Variants in DOCK1 observed in about 807,000 individuals in gnomAD.
DOCK1 encodes dedicator of cytokinesis protein 1.
Under a neutral mutation model 262.7 loss-of-function variants are expected in DOCK1, and 138 were observed. The observed-to-expected ratio is 0.53, with a 90% CI of 0.46 to 0.61. The LOEUF (loss-of-function observed/expected upper bound fraction) is 0.61. Among genes scored for constraint, DOCK1 ranks in the 20% least tolerant of loss-of-function variants. DOCK1 has a pLI of 0.00. For synonymous variants in DOCK1, 866 were observed against 867.4 expected (o/e 1.00, Z 0.03); for missense variants, 1,908 against 2,370.7 (o/e 0.80, Z 4.05).
chr10:126,934,747 G>GTTTTT lies in DOCK1; in HGVS notation c.46+29204_46+29208dup, dbSNP rs1166445414. ...GTCACAGCCTATTTGGAATTTACGA[G>GTTTTT]TTTTTTTTTTTTTTTTTTTTTTTTG... On this transcript the variant is annotated intron_variant, in intron 1 of 51. Transcript: ENST00000623213. 4.8e-4 allele frequency among the ~76,000 whole-genome samples: 52 copies of GTTTTT among 107,454 alleles called. 1 individual carries two copies. Among genetic ancestry groups the GTTTTT allele is most frequent in the African/African-American group, 1.3e-3 (31 of 24,684 alleles). 70.5% of individuals were successfully genotyped at this position (107,454 alleles called of 152,430 possible). A position where few individuals can be genotyped will look rare whatever the true frequency, so the allele number is the denominator to read the frequency against.
At chr10:127,319,472 G>T (rs2062425750) in intron 29 of DOCK1, among the ~76,000 whole-genome samples, 1 of 152,174 alleles carries the variant, frequency 6.6e-6, no homozygotes. Context: ...TGTGTTTATG[G>T]GTAATAAATC....
intron 27 of DOCK1, among the ~76,000 whole-genome samples, chr10:127,182,122 G>A (rs543721648): frequency 8.9e-4 from 136 of 152,180 alleles, no homozygotes; most frequent in African/African-American, 3.1e-3. Flanking sequence ...GGCACGCCCC[G>A]TTCCCTCGAT....
chr10:126,958,196 A>G (rs1341136046), intron 1 of DOCK1, among the ~76,000 whole-genome samples: 1 of 152,180 alleles, frequency 6.6e-6, no homozygotes, highest in Non-Finnish European at 1.5e-5. Flanking sequence ...TACCACTAAC[A>G]TACATGTGAG....
intron 27 of DOCK1, among the ~76,000 whole-genome samples, chr10:127,230,710 T>A (rs550952572): frequency 6.6e-6 from 1 of 152,278 alleles, no homozygotes; most frequent in Non-Finnish European, 1.5e-5. Flanking sequence ...GATGCCTCCA[T>A]CTTTGTTATT....
At chr10:127,099,773 G>A (rs2048126320) in intron 23 of DOCK1, among the ~76,000 whole-genome samples, 1 of 152,192 alleles carries the variant, frequency 6.6e-6, no homozygotes, top group Admixed American at 6.5e-5. Context: ...GTTTCAGCAT[G>A]AGAGATGGAG....
At chr10:127,092,075 T>C (rs1385948093) in intron 23 of DOCK1, among the ~76,000 whole-genome samples, 4 of 152,224 alleles carry the variant, frequency 2.6e-5, no homozygotes, top group Non-Finnish European at 5.9e-5. Flanking sequence ...CCTACCTGTA[T>C]TTCAAGTGCC....
chr10:127,443,135 C>T (rs2070298734), intron 49 of DOCK1, among the ~76,000 whole-genome samples: 1 of 152,188 alleles, frequency 6.6e-6, no homozygotes, highest in Non-Finnish European at 1.5e-5. Flanking sequence ...CTGATAGAAG[C>T]ATCACCCTGA....
chr10:127,319,457 C>T (rs10829749), intron 29 of DOCK1, among the ~76,000 whole-genome samples: 51,714 of 152,076 alleles, frequency 0.34, 9,331 homozygotes, highest in East Asian at 0.42. Context: ...AGAGCACTTC[C>T]CGCATGTGTT....
At chr10:127,279,121 C>T (rs957522501) in intron 29 of DOCK1, among the ~76,000 whole-genome samples, 3 of 152,314 alleles carry the variant, frequency 2.0e-5, no homozygotes, top group African/African-American at 4.8e-5. Flanking sequence ...AATCCACACA[C>T]GTGGCTTTTT....
intron 25 of DOCK1, among the ~76,000 whole-genome samples, chr10:127,114,764 T>C (rs944884834): frequency 4.0e-5 from 6 of 150,200 alleles, no homozygotes; most frequent in Non-Finnish European, 5.9e-5. Context: ...TCTTTCTTTT[T>C]TTTTTTTTTT....
chr10:127,214,271 C>G (rs1427430622), intron 27 of DOCK1, among the ~76,000 whole-genome samples: 1 of 152,178 alleles, frequency 6.6e-6, no homozygotes, highest in Admixed American at 6.5e-5. Flanking sequence ...GTAGCTCCCC[C>G]CGCCCAGCTG....
intron 16 of DOCK1, among the ~76,000 whole-genome samples, chr10:127,029,676 C>A (rs933675014): frequency 2.0e-5 from 3 of 152,182 alleles, no homozygotes; most frequent in African/African-American, 7.2e-5. Flanking sequence ...TATAAACCAT[C>A]CATCTCATGA....
chr10:127,203,084 G>A (rs768274728), intron 27 of DOCK1, among the ~76,000 whole-genome samples: 4 of 152,130 alleles, frequency 2.6e-5, no homozygotes, highest in Admixed American at 1.3e-4. Flanking sequence ...TTTGCATTTC[G>A]ATAGCACTCT....
intron 38 of DOCK1, among the ~76,000 whole-genome samples, chr10:127,387,117 G>A (rs966204336): frequency 2.0e-5 from 3 of 152,226 alleles, no homozygotes; most frequent in Admixed American, 1.3e-4. Context: ...GAAGGAATGT[G>A]CGCATTTGTT....
intron 23 of DOCK1, among the ~76,000 whole-genome samples, chr10:127,092,172 G>A (rs960231580): frequency 6.6e-6 from 1 of 152,240 alleles, no homozygotes; most frequent in Non-Finnish European, 1.5e-5. Context: ...TGCTGGTCAG[G>A]TCTGGCTGGA....
At chr10:127,076,399 A>T (rs979673782) in intron 23 of DOCK1, among the ~76,000 whole-genome samples, 1 of 152,100 alleles carries the variant, frequency 6.6e-6, no homozygotes, top group African/African-American at 2.4e-5. Flanking sequence ...TAATCAGGAG[A>T]CTGAGGCAGG....
At chr10:127,403,278 CTAGGAAGATGG>C in intron 39 of DOCK1, 134 bp downstream of exon 39, 1 of 831,924 alleles carries the variant, frequency 1.2e-6, no homozygotes, top group Non-Finnish European at 1.8e-6. Context: ...TCCGTTTTGC[CTAGGAAGATGG>C]TTTTAGTTAA....
chr10:127,196,605 C>G (rs12248248), intron 27 of DOCK1, among the ~76,000 whole-genome samples: 1 of 78,400 alleles, frequency 1.3e-5, no homozygotes, highest in Non-Finnish European at 2.9e-5. Context: ...CCCCGCGGGG[C>G]GGAGGTGGGG....
At chr10:127,148,695 C>T (rs1461313621) in intron 27 of DOCK1, among the ~76,000 whole-genome samples, 1 of 152,184 alleles carries the variant, frequency 6.6e-6, no homozygotes, top group Non-Finnish European at 1.5e-5. Context: ...GAAGAAATTT[C>T]AGCTGCTTAT....
Sources: gnomAD v4.1 joint callset for allele counts (sites outside exome capture counted in the v4.1 genomes callset) on GRCh38, gnomAD v4.1.1 for gene constraint, MANE v1.5 for transcripts, NCBI Gene and HGNC (gene_info 2026-07-23, HGNC 2026-07-21) for gene names.